Variants in CACNA1B observed in about 807,000 individuals in gnomAD.
The protein encoded by CACNA1B is voltage-dependent N-type calcium channel subunit alpha-1B.
Under a neutral mutation model 247.2 loss-of-function variants are expected in CACNA1B, and 70 were observed. The observed-to-expected ratio is 0.28, with a 90% CI of 0.23 to 0.35. CACNA1B has a LOEUF of 0.35. Among genes scored for constraint, CACNA1B ranks in the 10% least tolerant of loss-of-function variants. The pLI is 1.00. For synonymous variants in CACNA1B, 1,231 were observed against 1,294.4 expected (o/e 0.95, Z 1.05); for missense variants, 2,367 against 3,197.4 (o/e 0.74, Z 6.26).
chr9:137,917,964 C>T lies in CACNA1B; in HGVS notation c.966+533C>T, dbSNP rs530345146. Among the ~76,000 whole-genome samples, 1 of 152,206 alleles carries T rather than the reference C, an allele frequency of 6.6e-6. No homozygotes were observed. The highest frequency in any genetic ancestry group is 1.5e-5 in the Non-Finnish European group (1 of 68,026). On this transcript the variant is annotated intron_variant, in intron 6 of 46. Coordinates refer to ENST00000371372, the MANE Select transcript of CACNA1B (RefSeq NM_000718.4). This position sits in a 1 kb window ranked among gnomAD's most constrained non-coding sequence, Gnocchi z 5.5. ...GAGGGACAGTAGGGCTGCTGGGCCTCCCGTCCCCAGGCTGCCCGGCGAAGG... is the reference window on the plus strand; with the variant it reads ...GAGGGACAGTAGGGCTGCTGGGCCTTCCGTCCCCAGGCTGCCCGGCGAAGG...
intron 37 of CACNA1B, among the ~76,000 whole-genome samples, chr9:138,098,855 G>T (rs1377413517): frequency 6.6e-6 from 1 of 152,226 alleles, no homozygotes; most frequent in Non-Finnish European, 1.5e-5. Context: ...ACATGATTCT[G>T]CCCCCACGAG....
intron 36 of CACNA1B, among the ~76,000 whole-genome samples, chr9:138,079,469 G>A (rs1444891530): frequency 1.3e-5 from 2 of 152,100 alleles, no homozygotes; most frequent in Non-Finnish European, 2.9e-5. Context: ...TGGGCCGGGC[G>A]TGGTGGCTCA....
intron 36 of CACNA1B, among the ~76,000 whole-genome samples, chr9:138,094,714 G>A (rs939428123): frequency 2.0e-5 from 3 of 152,140 alleles, no homozygotes; most frequent in African/African-American, 7.2e-5. Flanking sequence ...TCAAAACAAT[G>A]TGGTACTGGC....
intron 15 of CACNA1B, among the ~76,000 whole-genome samples, 192 bp downstream of exon 15, chr9:137,987,046 G>A (rs1371573763): frequency 6.6e-6 from 1 of 152,224 alleles, no homozygotes; most frequent in African/African-American, 2.4e-5. Flanking sequence ...AGGTCCGGGG[G>A]CCCCAGCCCC....
At chr9:138,044,935 A>T (rs987301805) in intron 21 of CACNA1B, among the ~76,000 whole-genome samples, 5 of 152,222 alleles carry the variant, frequency 3.3e-5, no homozygotes, top group Non-Finnish European at 7.3e-5. Flanking sequence ...GGACCCTGCC[A>T]TGTCAGGACT....
At chr9:138,009,522 GT>G (rs1958697780) in intron 16 of CACNA1B, among the ~76,000 whole-genome samples, 2 of 152,232 alleles carry the variant, frequency 1.3e-5, no homozygotes, top group Admixed American at 1.3e-4. Flanking sequence ...GTCTGAGGTG[GT>G]CTCTGCTCAC....
rs1958877801 is a variant in CACNA1B, at chr9:138,023,534, G to A, written c.2791G>A (p.Glu931Lys). Residue 931 changes from glutamate (E) to lysine (K), a missense_variant, in exon 19 of 47, where the codon GAG (glutamate) becomes AAG (lysine). Physicochemically the swap from Glu to Lys is moderately conservative, Grantham distance 56. Coordinates refer to ENST00000371372, the MANE Select transcript of CACNA1B (RefSeq NM_000718.4). ...CTCCCCGGAGGAGGCGGCCGAGCGG[G>A]AGCCCCGACGCCACCGCGCGCACCG... is the stretch of plus-strand genomic sequence containing the variant. ...RGSPEEAAEREPRRHRAHRHQ... is the reference protein window; with the variant it reads ...RGSPEEAAERKPRRHRAHRHQ... 9.3e-7 allele frequency: 1 copy of A among 1,079,348 alleles called. No homozygotes were observed. Among genetic ancestry groups the A allele is most frequent in the Non-Finnish European group, 1.1e-6 (1 of 889,434 alleles). The allele number at this position is 1,079,348 out of a possible 1,614,324, so 66.9% of individuals were successfully genotyped here. A position where few individuals can be genotyped will look rare whatever the true frequency, so the allele number is the denominator to read the frequency against.
chr9:138,088,959 CAAAAAAAAAAAAAAAAA>C (rs56112600), intron 36 of CACNA1B, among the ~76,000 whole-genome samples: 748 of 61,466 alleles, frequency 0.012, 23 homozygotes, highest in Middle Eastern at 0.065. Context: ...AACTCCGTCT[CAAAAAAAAAAAAAAAAA>C]AAAAAAAAAA....
rs1958708657 is a variant in CACNA1B at position 138,010,360 on chromosome 9, A to G, written c.2160+283A>G. Among the ~76,000 whole-genome samples, 1 of 152,196 alleles carries G rather than the reference A, an allele frequency of 6.6e-6. No individual in the cohort carries two copies. Among genetic ancestry groups the G allele is most frequent in the Non-Finnish European group, 1.5e-5 (1 of 68,014 alleles). ...TGCTGGGAGCAGGAGGGGCCTGAGCAGGAGGAGCAGCTGGTGGCCCTATCC... is the reference window on the plus strand; with the variant it reads ...TGCTGGGAGCAGGAGGGGCCTGAGCGGGAGGAGCAGCTGGTGGCCCTATCC... On this transcript the variant is annotated intron_variant, in intron 17 of 46. Coordinates refer to ENST00000371372, the MANE Select transcript of CACNA1B (RefSeq NM_000718.4). This position sits in a 1 kb window ranked among gnomAD's most constrained non-coding sequence, Gnocchi z 5.3.
At position 138,042,637 on chromosome 9, in the gene CACNA1B, G is replaced by C. The variant is rs189487583; in HGVS notation, c.3287-1137G>C. On this transcript the variant is annotated intron_variant, in intron 20 of 46. Coordinates refer to ENST00000371372, the MANE Select transcript of CACNA1B (RefSeq NM_000718.4). ...TTTGTTTTCAACAGGGAAGTTTGAT[G>C]GTGCCCATTTCAAAAGTGGTCGCTT... Among the ~76,000 whole-genome samples, 197 of 152,282 alleles carry C rather than the reference G, an allele frequency of 1.3e-3. 2 individuals carry two copies. The highest frequency in any genetic ancestry group is 4.7e-3 in the African/African-American group (194 of 41,558).
chr9:138,030,630 A>G (rs910998524), intron 20 of CACNA1B, among the ~76,000 whole-genome samples: 4 of 151,998 alleles, frequency 2.6e-5, no homozygotes, highest in Admixed American at 1.3e-4. Context: ...TCCCTCTTCT[A>G]TTTTCTAGAG....
chr9:137,984,536 T>C (rs1958333778), intron 13 of CACNA1B, among the ~76,000 whole-genome samples: 1 of 152,182 alleles, frequency 6.6e-6, no homozygotes. Flanking sequence ...CACCACCCCA[T>C]CTTCCCAGCC....
rs1310789266 is a variant in CACNA1B, at chr9:137,950,986, G to C, written c.967-1288G>C. 6.6e-6 allele frequency among the ~76,000 whole-genome samples: 1 copy of C among 152,204 alleles called. No individual in the cohort carries two copies. Among genetic ancestry groups the C allele is most frequent in the African/African-American group, 2.4e-5 (1 of 41,442 alleles). On this transcript the variant is annotated intron_variant, in intron 6 of 46. Coordinates refer to ENST00000371372, the MANE Select transcript of CACNA1B (RefSeq NM_000718.4). This position sits in a 1 kb window ranked among gnomAD's most constrained non-coding sequence, Gnocchi z 4.8. ...TGGCTACTGATGGGAACACTCCACTGGGGAGGGAAATTGCGGGAGCCAAGT... is the reference window on the plus strand; with the variant it reads ...TGGCTACTGATGGGAACACTCCACTCGGGAGGGAAATTGCGGGAGCCAAGT...
rs191440682 is a variant in CACNA1B, at chr9:138,012,646, C to T, written c.2161-483C>T. On this transcript the variant is annotated intron_variant, in intron 17 of 46. Transcript: ENST00000371372. The surrounding 1 kb of genome is among the most constrained non-coding windows in gnomAD (Gnocchi z 4.2). ...AGAGGATCACTTAAGCCTGGGAGGT[C>T]GAGGCTGCAGTGAGCTGAGATTGAG... Among the ~76,000 whole-genome samples, 105 of 150,906 alleles carry T rather than the reference C, an allele frequency of 7.0e-4. No homozygotes were observed. The East Asian group carries it at 0.016, about 23-fold the overall frequency.
At chr9:137,997,951 C>G (rs1188684755) in intron 15 of CACNA1B, among the ~76,000 whole-genome samples, 1 of 152,164 alleles carries the variant, frequency 6.6e-6, no homozygotes, top group Non-Finnish European at 1.5e-5. Flanking sequence ...AAATGAGTGC[C>G]TTAGAACTAA....
Position 138,051,142 on chromosome 9 carries a change from TCTG to T in CACNA1B, c.3711-949_3711-947del, listed in dbSNP as rs1959260952. Among the ~76,000 whole-genome samples, 1 of 152,034 alleles carries T rather than the reference TCTG, an allele frequency of 6.6e-6. No homozygotes were observed. Among genetic ancestry groups the T allele is most frequent in the Admixed American group, 6.5e-5 (1 of 15,272 alleles). ...TCCCACCAAGTAGAGTGGCTTTGCT[TCTG>T]AGAACGGGGGCCGCCTTAGGAGGAA... On this transcript the variant is annotated intron_variant, in intron 24 of 46. Coordinates refer to ENST00000371372, the MANE Select transcript of CACNA1B (RefSeq NM_000718.4). The surrounding 1 kb of genome is among the most constrained non-coding windows in gnomAD (Gnocchi z 4.3).
At position 137,971,722 on chromosome 9, in the gene CACNA1B, C is replaced by G; in HGVS notation, c.1543+130C>G. 1 of 734,508 alleles carries G rather than the reference C, an allele frequency of 1.4e-6. No individual in the cohort carries two copies. The highest frequency in any genetic ancestry group is 2.3e-6 in the Non-Finnish European group (1 of 443,386). The allele number at this position is 734,508 out of a possible 1,614,324, so 45.5% of individuals were successfully genotyped here. A position where few individuals can be genotyped will look rare whatever the true frequency, so the allele number is the denominator to read the frequency against. ...CCCCCATGTTGCTCAAAGTATCCCA[C>G]AGCCCTAGTCAGCCTCCAGGAGCCT... is the stretch of plus-strand genomic sequence containing the variant. On this transcript the variant is annotated intron_variant, in intron 11 of 46. Coordinates refer to ENST00000371372, the MANE Select transcript of CACNA1B (RefSeq NM_000718.4). This position sits in a 1 kb window ranked among gnomAD's most constrained non-coding sequence, Gnocchi z 4.4.
chr9:138,038,179 C>G (rs979455611), intron 20 of CACNA1B, among the ~76,000 whole-genome samples: 8 of 152,210 alleles, frequency 5.3e-5, no homozygotes, highest in African/African-American at 1.9e-4. Flanking sequence ...TGACGTATTT[C>G]AGTTCTTTGC....
In CACNA1B at chr9:137,914,012, C is replaced by T. The variant is rs1426852741; in HGVS notation, c.623-642C>T. Among the ~76,000 whole-genome samples the T allele has an allele frequency of 6.6e-6, 1 of 152,168 alleles. No homozygotes were observed. The stretch of plus-strand genomic sequence containing the variant: ...GGTTTACAGGCTCCTCTGCCCAGTT[C>T]CTCACATGCTGTATGGCCAGTGGCA... On this transcript the variant is annotated intron_variant, in intron 4 of 46. Transcript: ENST00000371372. This position sits in a 1 kb window ranked among gnomAD's most constrained non-coding sequence, Gnocchi z 4.3.
Sources: gnomAD v4.1 joint callset for allele counts (sites outside exome capture counted in the v4.1 genomes callset) on GRCh38, gnomAD v4.1.1 for gene constraint, Gnocchi (gnomAD v3.1) non-coding constraint, MANE v1.5 for transcripts, NCBI Gene and HGNC (gene_info 2026-07-23, HGNC 2026-07-21) for gene names.